Variants in SPATA6 observed in about 807,000 individuals in gnomAD.
SPATA6 encodes spermatogenesis associated 6.
A neutral mutation model predicts 65.3 loss-of-function variants in SPATA6; 56 were observed. That is an observed-to-expected ratio of 0.86 (90% CI 0.69 to 1.07). The LOEUF (loss-of-function observed/expected upper bound fraction) is 1.07. Ranked by LOEUF, SPATA6 falls within the 50% of genes least tolerant of loss-of-function variation. The probability of loss-of-function intolerance (pLI) is 0.00; values close to 1 mark genes in which losing one functional copy is unlikely to be tolerated. For missense variants in SPATA6, 590 were observed against 594.8 expected, an observed-to-expected ratio of 0.99 and a Z score of 0.08; for synonymous variants, 199 against 213.2, an observed-to-expected ratio of 0.93 and a Z score of 0.58.
chr1:48,281,538 T>C, the SPATA6 span, among the ~76,000 whole-genome samples: 4 of 151,972 alleles, frequency 2.6e-5, no homozygotes, highest in African/African-American at 9.7e-5. Context: ...TATACACCAA[T>C]AACAGACAAA....
chr1:48,272,490 C>A, the SPATA6 span, among the ~76,000 whole-genome samples: 1 of 152,126 alleles, frequency 6.6e-6, no homozygotes, highest in Non-Finnish European at 1.5e-5. Flanking sequence ...AAAACTCCAT[C>A]CATGTAGTCA....
intron 11 of SPATA6, among the ~76,000 whole-genome samples, chr1:48,334,394 A>C (rs1646002226): frequency 6.6e-6 from 1 of 152,144 alleles, no homozygotes; most frequent in African/African-American, 2.4e-5. Flanking sequence ...ACCAAATACT[A>C]GCAAACTGAA....
intron 3 of SPATA6, among the ~76,000 whole-genome samples, chr1:48,430,062 G>T (rs1400490273): frequency 6.6e-6 from 1 of 152,048 alleles, no homozygotes; most frequent in African/African-American, 2.4e-5. Flanking sequence ...AGAGAAAGGA[G>T]CAAAGAATAT....
At chr1:48,362,348 C>T (rs775726091) in intron 9 of SPATA6, among the ~76,000 whole-genome samples, 9 of 152,076 alleles carry the variant, frequency 5.9e-5, no homozygotes, top group Non-Finnish European at 8.8e-5. Context: ...AACCAATTGG[C>T]CTGGATTATT....
At chr1:48,463,923 G>A (rs1055407306) in intron 1 of SPATA6, among the ~76,000 whole-genome samples, 1 of 151,086 alleles carries the variant, frequency 6.6e-6, no homozygotes, top group East Asian at 1.9e-4. Context: ...TACAGGAATA[G>A]GAATAGTTCA....
intron 8 of SPATA6, among the ~76,000 whole-genome samples, chr1:48,387,510 C>A (rs1649601313): frequency 6.6e-6 from 1 of 152,164 alleles, no homozygotes; most frequent in Non-Finnish European, 1.5e-5. Context: ...TCATCTCCAG[C>A]CCCAAGTAGC....
rs1648648556 is a variant in SPATA6, at chr1:48,381,772, C to T, written c.909+3537G>A. On this transcript the variant is annotated intron_variant, in intron 9 of 12. Transcript: ENST00000371847. ...AGGGGGATTTAGCAGGGTCATAGGA[C>T]AATAGTGGAGGGAAGGTCAGCAGAT... Among the ~76,000 whole-genome samples the T allele has an allele frequency of 2.1e-5, 3 of 143,994 alleles. No homozygotes were observed. In the Admixed American group the frequency reaches 2.1e-4, roughly 10 times the overall value. 94.5% of individuals were successfully genotyped at this position (143,994 alleles called of 152,430 possible). A position where few individuals can be genotyped will look rare whatever the true frequency, so the allele number is the denominator to read the frequency against.
At chr1:48,425,276 C>A (rs559142196) in intron 3 of SPATA6, among the ~76,000 whole-genome samples, 21 of 152,174 alleles carry the variant, frequency 1.4e-4, no homozygotes, top group African/African-American at 4.8e-4. Context: ...GTTTTTGACA[C>A]CTCTGTCAAA....
intron 9 of SPATA6, among the ~76,000 whole-genome samples, chr1:48,362,575 A>G (rs910018524): frequency 2.0e-5 from 3 of 152,184 alleles, no homozygotes; most frequent in African/African-American, 4.8e-5. Context: ...TAAACTCACA[A>G]TCCAGATGAG....
At chr1:48,380,057 T>C (rs1648380207) in intron 9 of SPATA6, among the ~76,000 whole-genome samples, 1 of 152,242 alleles carries the variant, frequency 6.6e-6, no homozygotes, top group African/African-American at 2.4e-5. Context: ...TTGTCAATTA[T>C]ACCTTAATAA....
intron 9 of SPATA6, 132 bp downstream of exon 9, chr1:48,385,177 G>T: frequency 1.3e-6 from 1 of 786,836 alleles, no homozygotes; most frequent in South Asian, 3.7e-5. Flanking sequence ...AACATTATAT[G>T]ACAATTATTG....
intron 11 of SPATA6, among the ~76,000 whole-genome samples, chr1:48,339,158 A>G (rs1646138241): frequency 6.6e-6 from 1 of 152,066 alleles, no homozygotes; most frequent in African/African-American, 2.4e-5. Flanking sequence ...TGAAAAGATA[A>G]GGACCTAAAA....
intron 3 of SPATA6, chr1:48,435,918 T>G: frequency 6.5e-7 from 1 of 1,549,794 alleles, no homozygotes; most frequent in Non-Finnish European, 8.9e-7. Flanking sequence ...AAAGCCTTCT[T>G]TGGAATAGAT....
chr1:48,265,367 G>A, the SPATA6 span, among the ~76,000 whole-genome samples: 5 of 150,018 alleles, frequency 3.3e-5, no homozygotes, highest in Admixed American at 1.3e-4. Context: ...ATAAATGAAC[G>A]ATTTTGATAA....
intron 3 of SPATA6, among the ~76,000 whole-genome samples, chr1:48,441,238 G>A (rs1242282016): frequency 6.6e-6 from 1 of 152,146 alleles, no homozygotes; most frequent in Non-Finnish European, 1.5e-5. Flanking sequence ...CTGAGCCCCG[G>A]GTATGTTTAA....
intron 11 of SPATA6, among the ~76,000 whole-genome samples, chr1:48,341,658 A>T (rs1421344162): frequency 6.6e-6 from 1 of 152,218 alleles, no homozygotes; most frequent in Non-Finnish European, 1.5e-5. Context: ...GAAAGAAAAA[A>T]ACATGGTTTC....
chr1:48,348,741 T>C (rs1307402093), intron 11 of SPATA6, among the ~76,000 whole-genome samples: 2 of 152,072 alleles, frequency 1.3e-5, no homozygotes, highest in Non-Finnish European at 2.9e-5. Flanking sequence ...CTCAGGTATA[T>C]ATTCATATCT....
At chr1:48,315,607 G>A (rs1238591593) in intron 11 of SPATA6, among the ~76,000 whole-genome samples, 2 of 152,138 alleles carry the variant, frequency 1.3e-5, no homozygotes, top group Non-Finnish European at 2.9e-5. Flanking sequence ...AAAACTGGAA[G>A]CATTCCCTTT....
At chr1:48,301,177 A>C (rs555544534) in intron 12 of SPATA6, among the ~76,000 whole-genome samples, 1 of 152,216 alleles carries the variant, frequency 6.6e-6, no homozygotes, top group East Asian at 1.9e-4. Context: ...GAATAAACAC[A>C]TTTAGTAAGG....
Sources: allele counts gnomAD v4.1 joint callset (sites outside exome capture counted in the v4.1 genomes callset), GRCh38; gene constraint gnomAD v4.1.1; transcripts MANE v1.5; gene names NCBI Gene and HGNC (gene_info 2026-07-23, HGNC 2026-07-21).